The following BEND7 variants were observed in gnomAD, a reference collection of about 807,000 sequenced individuals.
BEND7 encodes the protein BEN domain-containing protein 7.
A neutral mutation model predicts 50.9 loss-of-function variants in BEND7; 28 were observed. The ratio of observed to expected loss-of-function variants is 0.55; its 90% CI spans 0.41 to 0.75. BEND7 has a LOEUF of 0.75. Ranked by LOEUF, BEND7 falls within the 30% of genes least tolerant of loss-of-function variation. The pLI is 0.00. For synonymous variants in BEND7, 170 were observed against 183.9 expected, an observed-to-expected ratio of 0.92 and a Z score of 0.61; for missense variants, 477 against 491.3, an observed-to-expected ratio of 0.97 and a Z score of 0.28.
intron 7 of BEND7, among the ~76,000 whole-genome samples, chr10:13,451,241 G>C (rs775694794): frequency 1.1e-4 from 16 of 150,540 alleles, no homozygotes; most frequent in Admixed American, 2.0e-4. Context: ...CCAGACTGTA[G>C]TGCAGTGGCC....
At chr10:13,529,236 G>A (rs1263080265), upstream of BEND7, among the ~76,000 whole-genome samples, 2 of 147,642 alleles carry the variant, frequency 1.4e-5, no homozygotes, top group Non-Finnish European at 3.0e-5. Context: ...CCCCGGGGAC[G>A]ACGCCGCCGC....
Position 13,526,152 on chromosome 10 carries a change from T to G in BEND7, c.131A>C (p.Gln44Pro). 1.6e-6 allele frequency: 2 copies of G among 1,288,814 alleles called. No individual in the cohort carries two copies. The allele number at this position is 1,288,814 out of a possible 1,614,324, so 79.8% of individuals were successfully genotyped here. ...NDVNGEAKET[Q>P]PIFLGDESME... ...TAGGAACCTACCTAAAAAAATGGGCTGTGTCTCTTTGGCCTCCCCATTAAC... is the reference window on the plus strand; with the variant it reads ...TAGGAACCTACCTAAAAAAATGGGCGGTGTCTCTTTGGCCTCCCCATTAAC... Residue 44 changes from glutamine to proline, a missense_variant, in exon 2 of 9, where the codon CAG (glutamine) becomes CCG (proline). Around this residue, in one of 3 missense-constraint regions of BEND7, gnomAD observed 396 missense variants for 384.2 expected, o/e 1.03. Transcript: ENST00000466271.
In BEND7 at chr10:13,447,322, G is replaced by C; in HGVS notation, c.1184-6C>G. ...TTCATCACTGTCCGCGATCTCTGCT[G>C]GTTACAAACATAAGACACAAATCTC... On this transcript the variant is annotated splice_region_variant and splice_polypyrimidine_tract_variant and intron_variant, in intron 7 of 8. Transcript: ENST00000466271. The C allele has an allele frequency of 6.2e-7, 1 of 1,613,916 alleles. No homozygotes were observed. Among genetic ancestry groups the C allele is most frequent in the Middle Eastern group, 1.6e-4 (1 of 6,062 alleles).
chr10:13,460,935 C>T (rs1241198518), intron 6 of BEND7, among the ~76,000 whole-genome samples: 3 of 152,154 alleles, frequency 2.0e-5, no homozygotes, highest in Admixed American at 1.3e-4. Context: ...CAAATGGTCC[C>T]TTGTCCCCAA....
chr10:13,441,016 A>G, downstream of BEND7: 3 of 790,730 alleles, frequency 3.8e-6, no homozygotes, highest in Non-Finnish European at 4.6e-6. Flanking sequence ...GATACCTTTT[A>G]ATTAATGAAC....
chr10:13,523,903 G>T (rs1312821405), intron 2 of BEND7, among the ~76,000 whole-genome samples: 1 of 152,180 alleles, frequency 6.6e-6, no homozygotes, highest in Non-Finnish European at 1.5e-5. Context: ...ATGAGCAAAA[G>T]ATTGAAAATA....
chr10:13,487,240 T>A (rs1538791), intron 5 of BEND7, among the ~76,000 whole-genome samples: 88,593 of 152,042 alleles, frequency 0.58, 26,141 homozygotes, highest in East Asian at 0.76. Flanking sequence ...CAGTTTGCAG[T>A]TGCAAAAACC....
rs187741116 is a variant in BEND7 at position 13,519,292 on chromosome 10, G to A, written c.145+6846C>T. Among the ~76,000 whole-genome samples, 170 of 152,248 alleles carry A rather than the reference G, an allele frequency of 1.1e-3. 2 individuals carry two copies. In the East Asian group the frequency reaches 0.03, roughly 27 times the overall value. On this transcript the variant is annotated intron_variant, in intron 2 of 8. Transcript: ENST00000466271. ...TCGAGACCATCCTGGCTAACATGGTGAAACCCCGTCTCTACTAAAAAAAAT... is the reference window on the plus strand; with the variant it reads ...TCGAGACCATCCTGGCTAACATGGTAAAACCCCGTCTCTACTAAAAAAAAT...
At chr10:13,450,091 C>G (rs531603084) in intron 7 of BEND7, among the ~76,000 whole-genome samples, 1 of 152,344 alleles carries the variant, frequency 6.6e-6, no homozygotes, top group East Asian at 1.9e-4. Context: ...AAAGGAATCA[C>G]TGGAGCTATA....
rs190013165 is a variant in BEND7 at position 13,516,341 on chromosome 10, G to A, written c.145+9797C>T. Among the ~76,000 whole-genome samples, 14 of 152,330 alleles carry A rather than the reference G, an allele frequency of 9.2e-5. No individual in the cohort carries two copies. The East Asian group carries it at 9.6e-4, about 10-fold the overall frequency. ...TGTGCCATGTGAGTCTGCGAGGCCC[G>A]GGGTGGCGCGGAGGCTGGTGACACA... On this transcript the variant is annotated intron_variant, in intron 2 of 8. Transcript: ENST00000466271.
At chr10:13,473,289 T>C (rs1057399198) in intron 6 of BEND7, among the ~76,000 whole-genome samples, 4 of 151,438 alleles carry the variant, frequency 2.6e-5, no homozygotes, top group Non-Finnish European at 5.9e-5. Context: ...GCTGTGAGAC[T>C]TGGGGCTGGT....
At chr10:13,441,937 C>T in intron 8 of BEND7, 187 bp from the exon 9 acceptor site, 1 of 624,162 alleles carries the variant, frequency 1.6e-6, no homozygotes, top group Non-Finnish European at 2.8e-6. Context: ...ATTCTACAAG[C>T]CACGCCTAAA....
At chr10:13,519,392 C>T (rs895616360) in intron 2 of BEND7, among the ~76,000 whole-genome samples, 3 of 151,904 alleles carry the variant, frequency 2.0e-5, no homozygotes, top group Non-Finnish European at 4.4e-5. Context: ...AGGAGAATGG[C>T]GTGAACCCGG....
intron 6 of BEND7, chr10:13,480,697 A>G (rs978242955): frequency 1.0e-6 from 1 of 985,290 alleles, no homozygotes; most frequent in Non-Finnish European, 1.2e-6. Flanking sequence ...TCAACAAATT[A>G]ACATTACCTT....
chr10:13,506,961 C>T (rs2077941336), intron 2 of BEND7, among the ~76,000 whole-genome samples: 1 of 151,864 alleles, frequency 6.6e-6, no homozygotes, highest in Non-Finnish European at 1.5e-5. Flanking sequence ...AGTCTAGTTT[C>T]GATGAAGAAA....
intron 6 of BEND7, among the ~76,000 whole-genome samples, chr10:13,464,214 G>C (rs1472035454): frequency 6.6e-6 from 1 of 152,234 alleles, no homozygotes; most frequent in Non-Finnish European, 1.5e-5. Flanking sequence ...GAAACACAGA[G>C]ATGACAGCTG....
At chr10:13,501,468 A>T (rs2077459831) in intron 2 of BEND7, among the ~76,000 whole-genome samples, 1 of 152,118 alleles carries the variant, frequency 6.6e-6, no homozygotes. Flanking sequence ...TTTCAAACAC[A>T]CTATCTTCTT....
intron 6 of BEND7, among the ~76,000 whole-genome samples, chr10:13,468,465 A>G (rs1033544948): frequency 6.6e-6 from 1 of 152,180 alleles, no homozygotes; most frequent in Admixed American, 6.5e-5. Context: ...GTTCACAAGG[A>G]GAGAGAAATT....
intron 2 of BEND7, among the ~76,000 whole-genome samples, chr10:13,506,205 T>G (rs1445285158): frequency 1.3e-5 from 2 of 152,100 alleles, no homozygotes; most frequent in Non-Finnish European, 2.9e-5. Flanking sequence ...GCCCCCCTGT[T>G]TGCAGATGGC....
Sources: allele counts gnomAD v4.1 joint callset (sites outside exome capture counted in the v4.1 genomes callset), GRCh38; gene constraint gnomAD v4.1.1; regional missense constraint gnomAD v4.1.1; transcripts MANE v1.5; gene names NCBI Gene and HGNC (gene_info 2026-07-23, HGNC 2026-07-21).